The following PCDH7 variants were observed in gnomAD, a reference collection of about 807,000 sequenced individuals.
PCDH7 encodes protocadherin-7.
PCDH7 carries 17 observed loss-of-function variants against 58.9 expected under a neutral mutation model. The ratio of observed to expected loss-of-function variants is 0.29; its 90% CI spans 0.20 to 0.43. The LOEUF is 0.43. Ranked by LOEUF, PCDH7 falls within the 20% of genes least tolerant of loss-of-function variation. PCDH7 has a pLI of 1.00. For synonymous variants in PCDH7, 664 were observed against 616.4 expected (o/e 1.08, Z -1.14); for missense variants, 1,274 against 1,441.0 (o/e 0.88, Z 1.88).
intron 3 of PCDH7, among the ~76,000 whole-genome samples, chr4:31,049,471 A>C (rs6847526): frequency 1.8e-4 from 28 of 152,184 alleles, no homozygotes; most frequent in Admixed American, 7.9e-4. Flanking sequence ...GGGAAGCAAC[A>C]GGCAAGAAAT....
At chr4:30,793,041 T>C (rs1724332640) in intron 1 of PCDH7, among the ~76,000 whole-genome samples, 1 of 152,166 alleles carries the variant, frequency 6.6e-6, no homozygotes, top group Non-Finnish European at 1.5e-5. Context: ...AGAAAGACAC[T>C]GGTAATATTA....
At chr4:31,073,186 C>T (rs1243700571) in intron 3 of PCDH7, among the ~76,000 whole-genome samples, 1 of 152,134 alleles carries the variant, frequency 6.6e-6, no homozygotes, top group African/African-American at 2.4e-5. Flanking sequence ...GCCTTGATTA[C>T]TGTGCTTAGG....
intron 1 of PCDH7, among the ~76,000 whole-genome samples, chr4:30,767,310 T>C (rs934650256): frequency 6.6e-6 from 1 of 152,240 alleles, no homozygotes; most frequent in Non-Finnish European, 1.5e-5. Context: ...TCATCCACTT[T>C]AATCTATGAT....
chr4:30,921,545 T>C (rs570939422), intron 2 of PCDH7, among the ~76,000 whole-genome samples: 280 of 152,180 alleles, frequency 1.8e-3, no homozygotes, highest in Middle Eastern at 0.01. Flanking sequence ...TGCTAAATAA[T>C]TATTTATCCA....
chr4:30,823,125 T>C (rs1169713757), intron 1 of PCDH7, among the ~76,000 whole-genome samples: 1 of 152,180 alleles, frequency 6.6e-6, no homozygotes, highest in Non-Finnish European at 1.5e-5. Context: ...GAGATTGTCC[T>C]GTGCAAGCTT....
chr4:31,094,664 G>T (rs927623384), intron 3 of PCDH7, among the ~76,000 whole-genome samples: 1 of 110,658 alleles, frequency 9.0e-6, no homozygotes, highest in Non-Finnish European at 1.6e-5. Flanking sequence ...ACTGGGGAGA[G>T]CATTAGCAAA....
rs557163575 is a variant in PCDH7 at position 30,846,674 on chromosome 4, A to G, written c.71-73479A>G. Among the ~76,000 whole-genome samples the G allele has an allele frequency of 2.6e-4, 39 of 152,246 alleles. No individual in the cohort carries two copies. The South Asian group carries it at 3.7e-3, about 15-fold the overall frequency. Reference sequence around the variant, plus strand: ...TTGTGAGGATCAAAAGTATTTCCAGACATTGTCAAATATCAACTAAAAAGA... The same window carrying G: ...TTGTGAGGATCAAAAGTATTTCCAGGCATTGTCAAATATCAACTAAAAAGA... On this transcript the variant is annotated intron_variant, in intron 1 of 3. Transcript: ENST00000509759.
At position 30,722,896 on chromosome 4, in the gene PCDH7, C is replaced by T. The variant is rs1428903499; in HGVS notation, c.1474C>T (p.Pro492Ser). 1 of 1,613,748 alleles carries T rather than the reference C, an allele frequency of 6.2e-7. No homozygotes were observed. Among genetic ancestry groups the T allele is most frequent in the Non-Finnish European group, 8.5e-7 (1 of 1,180,046 alleles). ...AAAGTACTTCTTGCACACCTCGACCCCTCTGGACTATGAGGCCACCCGGGA... is the reference window on the plus strand; with the variant it reads ...AAAGTACTTCTTGCACACCTCGACCTCTCTGGACTATGAGGCCACCCGGGA... The change falls in exon 1 of 2, where the codon CCT becomes TCT. Residue 492 changes from proline (P) to serine (S), a missense_variant. Around this residue, in one of 3 missense-constraint regions of PCDH7, gnomAD observed 731 missense variants for 881.9 expected, o/e 0.83. Transcript: ENST00000361762. The surrounding 1 kb of genome is among the most constrained non-coding windows in gnomAD (Gnocchi z 7.6).
chr4:30,971,647 G>T (rs1347181993), intron 3 of PCDH7, among the ~76,000 whole-genome samples: 1 of 152,168 alleles, frequency 6.6e-6, no homozygotes, highest in Non-Finnish European at 1.5e-5. Context: ...CTTTGACAAG[G>T]ATGCACAGTA....
At chr4:30,784,605 A>C (rs183523638) in intron 1 of PCDH7, among the ~76,000 whole-genome samples, 1 of 152,156 alleles carries the variant, frequency 6.6e-6, no homozygotes, top group East Asian at 1.9e-4. Context: ...TTTGACACCT[A>C]TAATTTCCTA....
intron 1 of PCDH7, among the ~76,000 whole-genome samples, chr4:30,917,508 A>G (rs1435535832): frequency 6.6e-6 from 1 of 152,076 alleles, no homozygotes; most frequent in Non-Finnish European, 1.5e-5. Context: ...TATTTTGAAT[A>G]TTTATTGTGA....
chr4:30,901,821 C>T (rs6833871), intron 1 of PCDH7, among the ~76,000 whole-genome samples: 11,917 of 152,102 alleles, frequency 0.078, 667 homozygotes, highest in African/African-American at 0.15. Flanking sequence ...TTCTACCGAC[C>T]TTTACTTTTA....
chr4:30,811,014 A>G (rs1726921961), intron 1 of PCDH7, among the ~76,000 whole-genome samples: 1 of 152,218 alleles, frequency 6.6e-6, no homozygotes, highest in South Asian at 2.1e-4. Context: ...TGGCAACATA[A>G]GGCCACAACT....
In PCDH7 at chr4:30,895,265, G is replaced by A. The variant is rs1037664683; in HGVS notation, c.71-24888G>A. 7.9e-5 allele frequency among the ~76,000 whole-genome samples: 12 copies of A among 151,700 alleles called. 1 individual carries two copies. The highest frequency in any genetic ancestry group is 2.6e-4 in the Admixed American group (4 of 15,196). On this transcript the variant is annotated intron_variant, in intron 1 of 3. Coordinates refer to the PCDH7 transcript ENST00000509759. Reference sequence around the variant, plus strand: ...TCAGGAAAACAGGCAGCATGTAACCGCATGTATGTTTAAGTATTTTACTAT... The same window carrying A: ...TCAGGAAAACAGGCAGCATGTAACCACATGTATGTTTAAGTATTTTACTAT...
chr4:30,918,711 T>C (rs914595532), intron 1 of PCDH7, among the ~76,000 whole-genome samples: 1 of 152,132 alleles, frequency 6.6e-6, no homozygotes, highest in African/African-American at 2.4e-5. Flanking sequence ...TGACTTTGAA[T>C]TAGAATAAAA....
intron 1 of PCDH7, among the ~76,000 whole-genome samples, chr4:30,855,839 G>A (rs183813966): frequency 1.3e-5 from 2 of 152,190 alleles, no homozygotes; most frequent in Non-Finnish European, 2.9e-5. Flanking sequence ...CTTCATTGGA[G>A]GCTATCAAGT....
At chr4:30,981,063 T>C (rs1750511796) in intron 3 of PCDH7, among the ~76,000 whole-genome samples, 1 of 152,154 alleles carries the variant, frequency 6.6e-6, no homozygotes, top group Non-Finnish European at 1.5e-5. Flanking sequence ...AGGCTGGTCT[T>C]GAACTCCTGA....
At chr4:31,130,570 A>T (rs1000467604) in intron 3 of PCDH7, among the ~76,000 whole-genome samples, 1 of 152,194 alleles carries the variant, frequency 6.6e-6, no homozygotes, top group African/African-American at 2.4e-5. Flanking sequence ...ACAAACTTAG[A>T]GTCTTAAGGC....
chr4:30,842,242 T>C (rs776632400), intron 1 of PCDH7, among the ~76,000 whole-genome samples: 6 of 152,136 alleles, frequency 3.9e-5, no homozygotes, highest in African/African-American at 7.2e-5. Context: ...TATATGGGGT[T>C]GGGCACCCAG....
Sources: allele counts gnomAD v4.1 joint callset (sites outside exome capture counted in the v4.1 genomes callset), GRCh38; gene constraint gnomAD v4.1.1; regional missense constraint gnomAD v4.1.1; non-coding constraint Gnocchi (gnomAD v3.1); transcripts MANE v1.5; gene names NCBI Gene and HGNC (gene_info 2026-07-23, HGNC 2026-07-21).